Variants in CLSTN2 observed in about 807,000 individuals in gnomAD.
The protein encoded by CLSTN2 is calsyntenin-2.
In CLSTN2, 48 loss-of-function variants were observed where a neutral mutation model predicts 101.2. The ratio of observed to expected loss-of-function variants is 0.47; its 90% CI spans 0.38 to 0.60. CLSTN2 has a LOEUF of 0.60. Ranked by LOEUF, CLSTN2 falls within the 20% of genes least tolerant of loss-of-function variation. The pLI, the probability that CLSTN2 is intolerant of heterozygous loss-of-function variation, is 0.00. For synonymous variants in CLSTN2, 481 were observed against 463.6 expected (o/e 1.04, Z -0.48); for missense variants, 1,160 against 1,238.2 (o/e 0.94, Z 0.95).
intron 2 of CLSTN2, among the ~76,000 whole-genome samples, chr3:140,249,480 A>G (rs1358622063): frequency 6.6e-6 from 1 of 152,094 alleles, no homozygotes; most frequent in African/African-American, 2.4e-5. Flanking sequence ...ATGGTTATAG[A>G]TTCTGGTCTA....
At chr3:140,086,549 G>C (rs2008685949) in intron 1 of CLSTN2, among the ~76,000 whole-genome samples, 1 of 152,172 alleles carries the variant, frequency 6.6e-6, no homozygotes, top group Middle Eastern at 3.2e-3. Context: ...TGCTGTTATT[G>C]TAATTACAAA....
intron 1 of CLSTN2, among the ~76,000 whole-genome samples, chr3:140,047,437 A>G (rs1382204009): frequency 6.6e-6 from 1 of 152,188 alleles, no homozygotes; most frequent in Non-Finnish European, 1.5e-5. Context: ...ACTGCCATAT[A>G]ATATTCTATC....
chr3:140,449,945 T>A (rs1158880971), intron 6 of CLSTN2: 1 of 152,190 alleles, frequency 6.6e-6, no homozygotes, highest in Non-Finnish European at 1.5e-5. Context: ...TACTCACTTG[T>A]GAGGGACAGA....
chr3:140,385,863 C>G (rs2088046928), intron 2 of CLSTN2, among the ~76,000 whole-genome samples: 1 of 152,186 alleles, frequency 6.6e-6, no homozygotes. Flanking sequence ...AGGGGCCAGA[C>G]AGACCTTGAA....
At chr3:140,245,825 T>C (rs2086511058) in intron 2 of CLSTN2, among the ~76,000 whole-genome samples, 1 of 152,206 alleles carries the variant, frequency 6.6e-6, no homozygotes, top group Non-Finnish European at 1.5e-5. Context: ...TTGCAGTGGC[T>C]TTGGACAGTG....
intron 5 of CLSTN2, 63 bp from the exon 6 acceptor site, chr3:140,448,456 A>G (rs1287697271): frequency 2.2e-6 from 3 of 1,365,966 alleles, no homozygotes; most frequent in Non-Finnish European, 2.0e-6. Context: ...CATTTCTAAA[A>G]GAAATGTTCC....
chr3:140,455,814 C>CA (rs1470575931), intron 6 of CLSTN2, among the ~76,000 whole-genome samples: 1 of 152,126 alleles, frequency 6.6e-6, no homozygotes, highest in Non-Finnish European at 1.5e-5. Flanking sequence ...TTAAATATAC[C>CA]AAAAAATGAA....
At chr3:140,051,161 C>A (rs544414631) in intron 1 of CLSTN2, among the ~76,000 whole-genome samples, 20 of 152,330 alleles carry the variant, frequency 1.3e-4, no homozygotes, top group African/African-American at 4.8e-4. Flanking sequence ...CCATTCACAG[C>A]TCAGGCTTCG....
intron 1 of CLSTN2, among the ~76,000 whole-genome samples, chr3:139,985,926 T>C (rs1936014475): frequency 6.6e-6 from 1 of 152,236 alleles, no homozygotes; most frequent in South Asian, 2.1e-4. Context: ...TCATTTAATT[T>C]TGATGAATTT....
At chr3:140,427,212 T>TAC (rs2088579419) in intron 5 of CLSTN2, among the ~76,000 whole-genome samples, 1 of 75,624 alleles carries the variant, frequency 1.3e-5, no homozygotes, top group African/African-American at 1.0e-4. Flanking sequence ...TATGTGTATA[T>TAC]ATATATATAT....
intron 8 of CLSTN2, among the ~76,000 whole-genome samples, chr3:140,532,081 C>G (rs938938764): frequency 6.6e-6 from 1 of 152,144 alleles, no homozygotes; most frequent in Non-Finnish European, 1.5e-5. Flanking sequence ...CTGAAAATCT[C>G]CCCATCATCC....
At chr3:140,235,433 G>T (rs1333248977) in intron 2 of CLSTN2, among the ~76,000 whole-genome samples, 1 of 152,164 alleles carries the variant, frequency 6.6e-6, no homozygotes, top group African/African-American at 2.4e-5. Context: ...AAGCAGAAGT[G>T]GTCTGTGTTG....
chr3:140,395,229 T>G (rs1181764855), intron 2 of CLSTN2, among the ~76,000 whole-genome samples: 3 of 152,152 alleles, frequency 2.0e-5, no homozygotes, highest in Admixed American at 1.3e-4. Context: ...AAGAAAGGTA[T>G]AAATGGTGAA....
intron 2 of CLSTN2, among the ~76,000 whole-genome samples, chr3:140,300,258 G>A (rs1050587453): frequency 6.6e-6 from 1 of 152,202 alleles, no homozygotes; most frequent in Non-Finnish European, 1.5e-5. Context: ...TAGGCCCTCA[G>A]CAAATAACTG....
intron 9 of CLSTN2, among the ~76,000 whole-genome samples, chr3:140,544,961 A>T (rs1935559206): frequency 6.6e-6 from 1 of 152,168 alleles, no homozygotes; most frequent in Admixed American, 6.5e-5. Context: ...AGGTATATGG[A>T]TCTAGATTCA....
chr3:140,532,609 A>G (rs1388489832), intron 9 of CLSTN2, 123 bp downstream of exon 9: 3 of 688,222 alleles, frequency 4.4e-6, no homozygotes, highest in Non-Finnish European at 6.6e-6. Context: ...CCCCTTACAA[A>G]AAAAAATTCA....
intron 1 of CLSTN2, among the ~76,000 whole-genome samples, chr3:140,121,572 G>A (rs2107799436): frequency 6.6e-6 from 1 of 152,294 alleles, no homozygotes; most frequent in African/African-American, 2.4e-5. Flanking sequence ...CACAAGAACA[G>A]GAGTTTAAGA....
intron 2 of CLSTN2, among the ~76,000 whole-genome samples, chr3:140,246,483 A>T (rs1356609572): frequency 6.6e-6 from 1 of 152,184 alleles, no homozygotes; most frequent in African/African-American, 2.4e-5. Context: ...AGTACCACTT[A>T]GAAGCTGTAC....
At chr3:140,503,043 T>A (rs984064048) in intron 8 of CLSTN2, among the ~76,000 whole-genome samples, 1 of 152,188 alleles carries the variant, frequency 6.6e-6, no homozygotes, top group Non-Finnish European at 1.5e-5. Context: ...CCATGGCTTA[T>A]AGCCCCTTTC....
Sources: allele counts gnomAD v4.1 joint callset (sites outside exome capture counted in the v4.1 genomes callset), GRCh38; gene constraint gnomAD v4.1.1; transcripts MANE v1.5; gene names NCBI Gene and HGNC (gene_info 2026-07-23, HGNC 2026-07-21).